DIAPH1: variants seen among roughly 807,000 people sequenced by gnomAD.
The protein encoded by DIAPH1 is diaphanous related formin 1, also known as protein diaphanous homolog 1.
Under a neutral mutation model 140.7 loss-of-function variants are expected in DIAPH1, and 46 were observed. That is an observed-to-expected ratio of 0.33 (90% CI 0.26 to 0.42). The LOEUF (loss-of-function observed/expected upper bound fraction) is 0.42, where lower values mean the gene tolerates loss of function less well. Ranked by LOEUF, DIAPH1 falls within the 10% of genes least tolerant of loss-of-function variation. DIAPH1 has a pLI of 1.00. For synonymous variants in DIAPH1, 565 were observed against 551.6 expected (o/e 1.02, Z -0.34); for missense variants, 1,310 against 1,558.7 (o/e 0.84, Z 2.69).
Position 141,529,707 on chromosome 5 carries a change from A to G in DIAPH1, c.2582-10T>C. On this transcript the variant is annotated splice_polypyrimidine_tract_variant and intron_variant, in intron 19 of 27. Coordinates refer to ENST00000389054, the MANE Select transcript of DIAPH1 (RefSeq NM_005219.5). ...GAACCCAAAAAGATTGCTGCCAGAAAATGAGATATTAAGACATGTTCTTCT... is the reference window on the plus strand; with the variant it reads ...GAACCCAAAAAGATTGCTGCCAGAAGATGAGATATTAAGACATGTTCTTCT... 2 of 1,609,534 alleles carry G rather than the reference A, an allele frequency of 1.2e-6. No individual in the cohort carries two copies. The highest frequency in any genetic ancestry group is 4.5e-5 in the East Asian group (2 of 44,846).
At chr5:141,572,744 G>A (rs2099895372) in intron 16 of DIAPH1, among the ~76,000 whole-genome samples, 1 of 148,974 alleles carries the variant, frequency 6.7e-6, no homozygotes. Flanking sequence ...CTCCAGCCTG[G>A]GCAACAGAGC....
chr5:141,528,974 C>T, intron 21 of DIAPH1, 33 bp from the exon 22 acceptor site: 1 of 1,613,440 alleles, frequency 6.2e-7, no homozygotes, highest in Non-Finnish European at 8.5e-7. Flanking sequence ...CCATTACAGT[C>T]AAAAGAGGGG....
In DIAPH1 at chr5:141,529,625, A is replaced by T. The variant is rs1424816322; in HGVS notation, c.2654T>A (p.Val885Asp). 2 of 1,614,066 alleles carry T rather than the reference A, an allele frequency of 1.2e-6. No individual in the cohort carries two copies. Among genetic ancestry groups the T allele is most frequent in the Non-Finnish European group, 1.7e-6 (2 of 1,180,010 alleles). The part of the protein sequence containing the change: ...KNVILEVNEA[V>D]LTESMIQNLI... ...TACCTGGATCATAGACTCAGTCAGA[A>T]CAGCCTCATTCACCTCCAGGATGAC... is the stretch of plus-strand genomic sequence containing the variant. Residue 885 changes from valine to aspartate, a missense_variant, in exon 20 of 28, where the codon GTT (valine) becomes GAT (aspartate). Physicochemically the swap from Val to Asp is radical, Grantham distance 152. Transcript: ENST00000389054.
intron 18 of DIAPH1, among the ~76,000 whole-genome samples, chr5:141,535,619 C>T (rs570225098): frequency 6.6e-6 from 1 of 152,314 alleles, no homozygotes; most frequent in East Asian, 1.9e-4. Flanking sequence ...GTATCACTCC[C>T]TTAATGGCTC....
intron 14 of DIAPH1, 94 bp from the exon 15 acceptor site, chr5:141,575,240 G>C: frequency 7.5e-7 from 1 of 1,325,256 alleles, no homozygotes; most frequent in Non-Finnish European, 1.1e-6. Context: ...CTCCTCTTTT[G>C]CCTGGGGGTG....
chr5:141,531,063 G>A (rs527528529), intron 19 of DIAPH1, among the ~76,000 whole-genome samples: 55 of 151,970 alleles, frequency 3.6e-4, no homozygotes, highest in South Asian at 8.3e-4. Context: ...TCACTTCCAC[G>A]ACTCTGATTT....
chr5:141,615,804 C>T (rs1466672152), intron 1 of DIAPH1, among the ~76,000 whole-genome samples: 2 of 152,200 alleles, frequency 1.3e-5, no homozygotes, highest in East Asian at 1.9e-4. Flanking sequence ...AATATTCTCT[C>T]TTACAATGCA....
chr5:141,544,090 C>G (rs368554322), intron 18 of DIAPH1, among the ~76,000 whole-genome samples: 7 of 151,938 alleles, frequency 4.6e-5, no homozygotes, highest in Admixed American at 3.9e-4. Context: ...GCAGACAGAT[C>G]ACAAGGTCAG....
At chr5:141,580,497 A>AG in intron 8 of DIAPH1, among the ~76,000 whole-genome samples, 6 of 152,202 alleles carry the variant, frequency 3.9e-5, no homozygotes, top group Non-Finnish European at 8.8e-5. Flanking sequence ...TAGACAATAC[A>AG]GATATTAATG....
intron 1 of DIAPH1, among the ~76,000 whole-genome samples, chr5:141,602,457 C>A (rs915183944): frequency 3.3e-5 from 5 of 152,170 alleles, no homozygotes; most frequent in Admixed American, 6.5e-5. Context: ...CCTCGTGATC[C>A]ACCTGCCTTG....
At chr5:141,526,228 C>A in intron 25 of DIAPH1, 55 bp from the exon 26 acceptor site, 1 of 1,614,090 alleles carries the variant, frequency 6.2e-7, no homozygotes, top group South Asian at 1.1e-5. Flanking sequence ...CTACTACCAG[C>A]CAACAGGAAC....
chr5:141,573,264 G>A (rs1051163445), intron 16 of DIAPH1, among the ~76,000 whole-genome samples: 2 of 151,606 alleles, frequency 1.3e-5, no homozygotes, highest in South Asian at 4.2e-4. Context: ...GTGAAATCCC[G>A]TCTCTACTAA....
chr5:141,522,155 C>T, intron 27 of DIAPH1, among the ~76,000 whole-genome samples: 1 of 152,202 alleles, frequency 6.6e-6, no homozygotes, highest in East Asian at 1.9e-4. Flanking sequence ...CTACAAATGT[C>T]TCCCTTGAGA....
intron 18 of DIAPH1, among the ~76,000 whole-genome samples, chr5:141,556,681 CTTTT>C (rs2099892635): frequency 6.6e-6 from 1 of 151,580 alleles, no homozygotes; most frequent in Non-Finnish European, 1.5e-5. Flanking sequence ...GAGAGATCTT[CTTTT>C]TATTTATTTA....
intron 7 of DIAPH1, 197 bp downstream of exon 7, chr5:141,582,115 T>A: frequency 2.3e-5 from 8 of 347,966 alleles, no homozygotes; most frequent in South Asian, 3.4e-5. Context: ...GAGCCTGTCC[T>A]CTGAAACAGA....
intron 18 of DIAPH1, chr5:141,550,629 T>C (rs1378480598): frequency 1.3e-5 from 2 of 154,398 alleles, no homozygotes; most frequent in Non-Finnish European, 2.9e-5. Flanking sequence ...TTTTCTTTTT[T>C]TTTCAAGACA....
At chr5:141,540,750 C>T (rs1284852060) in intron 18 of DIAPH1, among the ~76,000 whole-genome samples, 1 of 151,780 alleles carries the variant, frequency 6.6e-6, no homozygotes, top group Non-Finnish European at 1.5e-5. Flanking sequence ...GTCACCAGCA[C>T]TATCACCTAT....
intron 18 of DIAPH1, among the ~76,000 whole-genome samples, chr5:141,566,345 T>C (rs774314305): frequency 7.9e-5 from 12 of 152,276 alleles, no homozygotes; most frequent in East Asian, 3.9e-4. Flanking sequence ...AGAGGTAGTA[T>C]TGGAGTATAG....
At chr5:141,607,585 A>G (rs895122044) in intron 1 of DIAPH1, among the ~76,000 whole-genome samples, 2 of 152,242 alleles carry the variant, frequency 1.3e-5, no homozygotes, top group Non-Finnish European at 1.5e-5. Context: ...TTAAATTTCA[A>G]TCCTGCTTTC....
Sources: gnomAD v4.1 joint callset for allele counts (sites outside exome capture counted in the v4.1 genomes callset) on GRCh38, gnomAD v4.1.1 for gene constraint, MANE v1.5 for transcripts, NCBI Gene and HGNC (gene_info 2026-07-23, HGNC 2026-07-21) for gene names.